N4BP2: variants seen among roughly 807,000 people sequenced by gnomAD.
N4BP2 encodes the protein NEDD4 binding protein 2.
N4BP2 carries 91 observed loss-of-function variants against 152.8 expected under a neutral mutation model. The observed-to-expected ratio is 0.60, with a 90% CI of 0.50 to 0.71. The LOEUF is 0.71. Ranked by LOEUF, N4BP2 falls within the 30% of genes least tolerant of loss-of-function variation. N4BP2 has a pLI of 0.00. For missense variants in N4BP2, 1,923 were observed against 2,059.1 expected (o/e 0.93, Z 1.28); for synonymous variants, 646 against 705.3 (o/e 0.92, Z 1.33).
chr4:40,176,251 C>G, the N4BP2 span, among the ~76,000 whole-genome samples: 1 of 151,934 alleles, frequency 6.6e-6, no homozygotes, highest in African/African-American at 2.4e-5. Context: ...AATGATTTTG[C>G]AAGATAAAAA....
At chr4:40,190,368 A>G in the N4BP2 span, among the ~76,000 whole-genome samples, 1 of 152,234 alleles carries the variant, frequency 6.6e-6, no homozygotes, top group African/African-American at 2.4e-5. Context: ...AAGATTCTGC[A>G]TTGCTCAGAT....
intron 2 of N4BP2, among the ~76,000 whole-genome samples, chr4:40,080,225 C>A (rs1713214498): frequency 6.6e-6 from 1 of 151,570 alleles, no homozygotes; most frequent in South Asian, 2.1e-4. Flanking sequence ...AATAGTTAAA[C>A]CTGAGCATCA....
At chr4:40,097,609 G>T in intron 3 of N4BP2, 40 bp downstream of exon 3, 1 of 1,224,926 alleles carries the variant, frequency 8.2e-7, no homozygotes, top group African/African-American at 1.5e-5. Context: ...CATCTTATAA[G>T]AAGACTTTGT....
chr4:40,142,997 G>A (rs1316778708), intron 15 of N4BP2, 136 bp downstream of exon 15: 7 of 682,384 alleles, frequency 1.0e-5, no homozygotes, highest in Non-Finnish European at 1.7e-5. Context: ...ACATAAATAA[G>A]GTATCCTAAG....
At chr4:40,082,215 G>T (rs1220887222) in intron 2 of N4BP2, among the ~76,000 whole-genome samples, 6 of 147,576 alleles carry the variant, frequency 4.1e-5, no homozygotes. Context: ...GGTGGAGGCT[G>T]CAGTGAGCCG....
chr4:40,102,597 T>C lies in N4BP2; in HGVS notation c.752T>C (p.Val251Ala). 1.2e-6 allele frequency: 2 copies of C among 1,614,194 alleles called. No individual in the cohort carries two copies. The highest frequency in any genetic ancestry group is 1.7e-6 in the Non-Finnish European group (2 of 1,180,036). ...EDSLLSSSLN[V>A]ASDSIAGCSS... Reference sequence around the variant, plus strand: ...TCTCTTCTCAGTAGTTCTTTAAATGTAGCAAGTGACTCCATCGCAGGTTGT... The same window carrying C: ...TCTCTTCTCAGTAGTTCTTTAAATGCAGCAAGTGACTCCATCGCAGGTTGT... The change falls in exon 4 of 18, where the codon GTA (valine) becomes GCA (alanine). Residue 251 changes from valine to alanine, a missense_variant. Transcript: ENST00000261435.
rs151336992 is a variant in N4BP2, at chr4:40,120,212, G to T, written c.2101G>T (p.Glu701Ter). ...ACAGGCAACAGACAAAAGTGAAAAC[G>T]AGCAAATAGAAATGGTGGCTGTAAA... ...KLQATDKSENEQIEMVAVKGY... is the reference protein window; with the variant it reads ...KLQATDKSEN Residue 701 changes from glutamate to a stop codon, truncating the protein, a stop_gained, in exon 9 of 18, where the codon GAG becomes TAG. Transcript: ENST00000261435. LOFTEE classifies it high-confidence loss of function. 6.2e-7 allele frequency: 1 copy of T among 1,613,680 alleles called. No homozygotes were observed. The highest frequency in any genetic ancestry group is 8.5e-7 in the Non-Finnish European group (1 of 1,179,960).
At chr4:40,083,783 A>G (rs898069347) in intron 2 of N4BP2, among the ~76,000 whole-genome samples, 10 of 152,164 alleles carry the variant, frequency 6.6e-5, no homozygotes, top group Admixed American at 6.6e-4. Flanking sequence ...AATATACTGG[A>G]AACCACTGAA....
chr4:40,088,506 T>TTC (rs1302450431), intron 2 of N4BP2, among the ~76,000 whole-genome samples: 3 of 151,676 alleles, frequency 2.0e-5, no homozygotes, highest in African/African-American at 7.3e-5. Flanking sequence ...ATTATAGTTT[T>TTC]TTTTTTTTTT....
chr4:40,165,096 T>TTA, the N4BP2 span, among the ~76,000 whole-genome samples: 266 of 152,334 alleles, frequency 1.7e-3, no homozygotes, highest in African/African-American at 6.0e-3. Flanking sequence ...CTTATTAATT[T>TTA]TGTTACCTTC....
At position 40,142,758 on chromosome 4, in the gene N4BP2, C is replaced by G. The variant is rs138016525; in HGVS notation, c.4871C>G (p.Ala1624Gly). ...TACCCAGACTATGATGACTACAGAG[C>G]AGAGGCTTTCCTTCACCAACAGAAG... ...FEYPDYDDYR[A>G]EAFLHQQKRM... The change falls in exon 15 of 18, where the codon GCA (alanine) becomes GGA (glycine). Residue 1624 changes from alanine to glycine, a missense_variant. Coordinates refer to ENST00000261435, the MANE Select transcript of N4BP2 (RefSeq NM_018177.6). 1 of 1,613,904 alleles carries G rather than the reference C, an allele frequency of 6.2e-7. No individual in the cohort carries two copies. Among genetic ancestry groups the G allele is most frequent in the Admixed American group, 1.7e-5 (1 of 60,012 alleles).
intron 2 of N4BP2, among the ~76,000 whole-genome samples, chr4:40,091,993 A>AG: frequency 1.0e-5 from 1 of 99,514 alleles, no homozygotes; most frequent in African/African-American, 3.9e-5. Flanking sequence ...AAAAAAAAAA[A>AG]AAAAAAAAAA....
At chr4:40,123,602 G>T (rs1718133269) in intron 10 of N4BP2, among the ~76,000 whole-genome samples, 1 of 151,862 alleles carries the variant, frequency 6.6e-6, no homozygotes, top group South Asian at 2.1e-4. Flanking sequence ...TCCTGCCTTA[G>T]CCTCCAGAGT....
Position 40,087,318 on chromosome 4 carries a change from A to G in N4BP2, c.-114-9909A>G, listed in dbSNP as rs149109498. Among the ~76,000 whole-genome samples the G allele has an allele frequency of 5.0e-4, 76 of 152,092 alleles. No individual in the cohort carries two copies. The East Asian group carries it at 0.012, about 23-fold the overall frequency. On this transcript the variant is annotated intron_variant, in intron 2 of 17. Coordinates refer to ENST00000261435, the MANE Select transcript of N4BP2 (RefSeq NM_018177.6). ...GGAAGCTTCTTGTGTTAATGGTTAC[A>G]GAGAGGGGAGTTTCATTTGAATTTT...
intron 3 of N4BP2, among the ~76,000 whole-genome samples, chr4:40,099,197 G>A (rs923381145): frequency 3.3e-5 from 5 of 152,090 alleles, no homozygotes; most frequent in Admixed American, 2.0e-4. Context: ...TTGCATAAGT[G>A]TAGTGGTTTC....
In N4BP2 at chr4:40,060,743, T is replaced by TA. The variant is rs1733593472; in HGVS notation, c.-212+3714dup. 2.0e-5 allele frequency among the ~76,000 whole-genome samples: 3 copies of TA among 149,836 alleles called. No homozygotes were observed. The South Asian group carries it at 6.4e-4, about 32-fold the overall frequency. Reference sequence around the variant, plus strand: ...ACAGCCTCCCGAGTAGCTGGGAGTATAGGCACATACCGCTGTGCCTGGCTC... The same window carrying TA: ...ACAGCCTCCCGAGTAGCTGGGAGTATAAGGCACATACCGCTGTGCCTGGCTC... On this transcript the variant is annotated intron_variant, in intron 1 of 17. Transcript: ENST00000261435.
chr4:40,174,297 A>C, the N4BP2 span, among the ~76,000 whole-genome samples: 647 of 152,250 alleles, frequency 4.2e-3, 3 homozygotes, highest in Non-Finnish European at 7.5e-3. Flanking sequence ...GAATCACTTG[A>C]GCCTAGGAGA....
At chr4:40,080,355 A>G in intron 2 of N4BP2, among the ~76,000 whole-genome samples, 1 of 144,530 alleles carries the variant, frequency 6.9e-6, no homozygotes, top group Non-Finnish European at 1.5e-5. Flanking sequence ...TATATATATA[A>G]TTTTTTTTTT....
In N4BP2 at chr4:40,075,367, G is replaced by C. The variant is rs6828497; in HGVS notation, c.-115+1816G>C. ...CTTTAACATTTAACAACATGTCTCA[G>C]AGGTCTATCCAGTTTTTACACAGCT... On this transcript the variant is annotated intron_variant, in intron 2 of 17. Transcript: ENST00000261435. Among the ~76,000 whole-genome samples the C allele has an allele frequency of 3.3e-3, 505 of 152,230 alleles. 1 individual carries two copies. The highest frequency in any genetic ancestry group is 0.012 in the African/African-American group (492 of 41,550).
Sources: gnomAD v4.1 joint callset for allele counts (sites outside exome capture counted in the v4.1 genomes callset) on GRCh38, gnomAD v4.1.1 for gene constraint, MANE v1.5 for transcripts, NCBI Gene and HGNC (gene_info 2026-07-23, HGNC 2026-07-21) for gene names.